Variants in CABIN1 observed in about 807,000 individuals in gnomAD.
The protein encoded by CABIN1 is calcineurin-binding protein cabin-1.
A neutral mutation model predicts 227.7 loss-of-function variants in CABIN1; 133 were observed. The observed-to-expected ratio is 0.58, with a 90% CI of 0.51 to 0.67. The LOEUF (loss-of-function observed/expected upper bound fraction) is 0.67, where lower values mean the gene tolerates loss of function less well. Among genes scored for constraint, CABIN1 ranks in the 30% least tolerant of loss-of-function variants. The probability of loss-of-function intolerance (pLI) is 0.00; values close to 1 mark genes in which losing one functional copy is unlikely to be tolerated. For missense variants in CABIN1, 2,408 were observed against 2,852.5 expected (o/e 0.84, Z 3.55); for synonymous variants, 1,086 against 1,155.1 (o/e 0.94, Z 1.21).
At chr22:24,019,048 TTATGGTTTGTATATATGAAGGC>T (rs2035504686) in intron 1 of CABIN1, among the ~76,000 whole-genome samples, 1 of 151,910 alleles carries the variant, frequency 6.6e-6, no homozygotes, top group South Asian at 2.1e-4. Flanking sequence ...ATGTCTTCTT[TTATGGTTTGTATATATGAAGGC>T]TATTGATTTT....
At chr22:24,113,475 A>C in intron 26 of CABIN1, 91 bp from the exon 27 acceptor site, 1 of 1,208,266 alleles carries the variant, frequency 8.3e-7, no homozygotes, top group South Asian at 1.2e-5. Context: ...TCCCCAGGCC[A>C]CCGGCAGGGA....
At position 24,137,930 on chromosome 22, in the gene CABIN1, G is replaced by C. The variant is rs1055762729; in HGVS notation, c.4746+3515G>C. On this transcript the variant is annotated intron_variant, in intron 29 of 36. Transcript: ENST00000263119. The stretch of plus-strand genomic sequence containing the variant: ...TCACCTCTCTTCTAGCCTGCACTGG[G>C]GTTTACTGCTTAGTCTAGTGGGAAG... 3.9e-5 allele frequency among the ~76,000 whole-genome samples: 6 copies of C among 152,172 alleles called. 1 individual carries two copies. Among genetic ancestry groups the C allele is most frequent in the South Asian group, 2.1e-4 (1 of 4,832 alleles).
intron 10 of CABIN1, 75 bp from the exon 11 acceptor site, chr22:24,059,152 C>A: frequency 1.3e-6 from 2 of 1,590,272 alleles, no homozygotes; most frequent in Non-Finnish European, 1.7e-6. Context: ...GATTTAGTTT[C>A]TCTAACAGGA....
intron 28 of CABIN1, among the ~76,000 whole-genome samples, chr22:24,129,584 T>A (rs2043942959): frequency 6.6e-6 from 1 of 152,226 alleles, no homozygotes; most frequent in South Asian, 2.1e-4. Flanking sequence ...TATTGCACCC[T>A]TTTCTGTGAG....
intron 1 of CABIN1, among the ~76,000 whole-genome samples, chr22:24,025,394 C>T (rs1305967957): frequency 6.6e-6 from 1 of 152,100 alleles, no homozygotes; most frequent in Non-Finnish European, 1.5e-5. Flanking sequence ...GTGAAAACAT[C>T]GATAGCCTGA....
At chr22:24,165,855 G>T (rs1248817480) in intron 31 of CABIN1, among the ~76,000 whole-genome samples, 2 of 152,202 alleles carry the variant, frequency 1.3e-5, no homozygotes, top group African/African-American at 4.8e-5. Context: ...ATTAGTAAGA[G>T]CCATAGTGAC....
intron 1 of CABIN1, among the ~76,000 whole-genome samples, chr22:24,029,562 A>G (rs1475177420): frequency 6.6e-6 from 1 of 152,140 alleles, no homozygotes; most frequent in Non-Finnish European, 1.5e-5. Context: ...GTCTTAAAAA[A>G]AAAAAAATGG....
intron 1 of CABIN1, among the ~76,000 whole-genome samples, chr22:24,018,427 C>T (rs532024899): frequency 3.3e-5 from 5 of 152,222 alleles, no homozygotes; most frequent in African/African-American, 7.2e-5. Context: ...CCAGTATCTC[C>T]TTTAGTAGTT....
chr22:24,149,774 C>A (rs1039705162), intron 29 of CABIN1, among the ~76,000 whole-genome samples: 3 of 152,202 alleles, frequency 2.0e-5, no homozygotes, highest in Non-Finnish European at 4.4e-5. Flanking sequence ...CTGCTCAGAG[C>A]CTGCTATTGG....
intron 28 of CABIN1, among the ~76,000 whole-genome samples, chr22:24,126,018 C>T (rs192661750): frequency 1.3e-5 from 2 of 152,174 alleles, no homozygotes; most frequent in Non-Finnish European, 2.9e-5. Flanking sequence ...CTGCCAGCAG[C>T]TTTTATTACC....
intron 28 of CABIN1, among the ~76,000 whole-genome samples, chr22:24,129,657 A>C (rs965383999): frequency 2.6e-5 from 4 of 152,224 alleles, no homozygotes; most frequent in Non-Finnish European, 2.9e-5. Context: ...CTGCCCTTAT[A>C]GGGCTGATAG....
chr22:24,119,898 G>A (rs539159102), intron 28 of CABIN1, among the ~76,000 whole-genome samples, 200 bp downstream of exon 28: 1 of 152,352 alleles, frequency 6.6e-6, no homozygotes, highest in Non-Finnish European at 1.5e-5. Context: ...AGGGCCCAGG[G>A]TCACAGCCAG....
intron 1 of CABIN1, among the ~76,000 whole-genome samples, chr22:24,022,503 C>T (rs979129965): frequency 6.6e-6 from 1 of 152,196 alleles, no homozygotes; most frequent in Admixed American, 6.5e-5. Context: ...TTTATCTACT[C>T]ACCTAATGAA....
chr22:24,104,339 T>G (rs1024750584), intron 26 of CABIN1, among the ~76,000 whole-genome samples: 12 of 152,206 alleles, frequency 7.9e-5, no homozygotes, highest in African/African-American at 2.9e-4. Context: ...GGAAAATGTT[T>G]AAAGCCTCCC....
Position 24,087,442 on chromosome 22 carries a change from A to G in CABIN1, c.3264-10A>G. 1 of 1,613,302 alleles carries G rather than the reference A, an allele frequency of 6.2e-7. No homozygotes were observed. The highest frequency in any genetic ancestry group is 8.5e-7 in the Non-Finnish European group (1 of 1,180,004). On this transcript the variant is annotated splice_polypyrimidine_tract_variant and intron_variant, in intron 22 of 36. Coordinates refer to ENST00000263119, the MANE Select transcript of CABIN1 (RefSeq NM_012295.4). ...GTTGTTTTTAGCTGGTGCTTTTGTT[A>G]CCACCACAGGTTTGATTCCTGGGCA...
intron 29 of CABIN1, among the ~76,000 whole-genome samples, chr22:24,161,414 G>A (rs1201690594): frequency 1.3e-5 from 2 of 152,236 alleles, no homozygotes; most frequent in African/African-American, 4.8e-5. Context: ...AAGACAGCAA[G>A]TGTGCCTGTG....
intron 19 of CABIN1, among the ~76,000 whole-genome samples, chr22:24,079,713 C>T (rs2040683816): frequency 6.6e-6 from 1 of 152,100 alleles, no homozygotes; most frequent in South Asian, 2.1e-4. Flanking sequence ...TGCAAATTGC[C>T]TGTTCACATG....
intron 1 of CABIN1, among the ~76,000 whole-genome samples, chr22:24,012,953 G>C (rs1013390904): frequency 6.6e-6 from 1 of 151,944 alleles, no homozygotes; most frequent in African/African-American, 2.4e-5. Flanking sequence ...TAGAGACGGG[G>C]TTTCACCGTA....
At chr22:24,130,953 C>T (rs1209702711) in intron 28 of CABIN1, among the ~76,000 whole-genome samples, 1 of 152,224 alleles carries the variant, frequency 6.6e-6, no homozygotes, top group Non-Finnish European at 1.5e-5. Context: ...CCACTGCCTT[C>T]TCCCTTTCTG....
Sources: gnomAD v4.1 joint callset for allele counts (sites outside exome capture counted in the v4.1 genomes callset) on GRCh38, gnomAD v4.1.1 for gene constraint, MANE v1.5 for transcripts, NCBI Gene and HGNC (gene_info 2026-07-23, HGNC 2026-07-21) for gene names.